Variants in ATRN observed in about 807,000 individuals in gnomAD.
ATRN encodes the protein attractin, also known as attractin-2.
In ATRN, 54 loss-of-function variants were observed where a neutral mutation model predicts 178.7. The observed-to-expected ratio is 0.30, with a 90% CI of 0.24 to 0.38. ATRN has a LOEUF of 0.38. Ranked by LOEUF, ATRN falls within the 10% of genes least tolerant of loss-of-function variation. The pLI, the probability that ATRN is intolerant of heterozygous loss-of-function variation, is 1.00. For synonymous variants in ATRN, 636 were observed against 663.0 expected, an observed-to-expected ratio of 0.96 and a Z score of 0.63; for missense variants, 1,443 against 1,815.1, an observed-to-expected ratio of 0.79 and a Z score of 3.73.
chr20:3,540,792 G>A (rs2085607784), intron 3 of ATRN, among the ~76,000 whole-genome samples: 1 of 152,134 alleles, frequency 6.6e-6, no homozygotes, highest in Non-Finnish European at 1.5e-5. Flanking sequence ...GTGTGTGTAT[G>A]TGCATCATGA....
chr20:3,489,766 A>C, intron 1 of ATRN: 1 of 1,422,418 alleles, frequency 7.0e-7, no homozygotes. Flanking sequence ...GCAAAGTGTC[A>C]CTGGAAGGCT....
intron 6 of ATRN, among the ~76,000 whole-genome samples, chr20:3,558,493 A>G (rs559201696): frequency 1.0e-3 from 154 of 152,148 alleles, no homozygotes; most frequent in Non-Finnish European, 1.5e-3. Flanking sequence ...GTAAACTTTT[A>G]TAGAAAAGAA....
chr20:3,511,159 G>C (rs1568697057), intron 1 of ATRN, among the ~76,000 whole-genome samples: 1 of 152,050 alleles, frequency 6.6e-6, no homozygotes, highest in Non-Finnish European at 1.5e-5. Flanking sequence ...AAAAAAGAAA[G>C]GTGAATATCT....
intron 11 of ATRN, 68 bp downstream of exon 11, chr20:3,565,500 G>T (rs1403485070): frequency 7.4e-7 from 1 of 1,359,512 alleles, no homozygotes; most frequent in African/African-American, 1.4e-5. Context: ...GGGCACGGTG[G>T]CTCACGCCTG....
chr20:3,589,807 A>C (rs2086414003), intron 18 of ATRN, among the ~76,000 whole-genome samples: 1 of 152,160 alleles, frequency 6.6e-6, no homozygotes, highest in Non-Finnish European at 1.5e-5. Flanking sequence ...CCCTCATTGG[A>C]AGAAGGAAGG....
chr20:3,543,727 G>GAA (rs138671464), intron 3 of ATRN, among the ~76,000 whole-genome samples: 1 of 134,808 alleles, frequency 7.4e-6, no homozygotes, highest in Non-Finnish European at 1.6e-5. Flanking sequence ...TCGGTCTCAA[G>GAA]AAAAAAAAAA....
chr20:3,491,202 G>T (rs1413027741), intron 1 of ATRN, among the ~76,000 whole-genome samples: 3 of 151,936 alleles, frequency 2.0e-5, no homozygotes, highest in East Asian at 1.9e-4. Flanking sequence ...TCCAAATGTG[G>T]CCTCATTTCT....
chr20:3,578,498 G>A (rs371833830), intron 14 of ATRN, 84 bp from the exon 15 acceptor site: 13 of 1,226,668 alleles, frequency 1.1e-5, no homozygotes, highest in African/African-American at 6.1e-5. Context: ...AGGCCATTTC[G>A]GTATTCAGTA....
At chr20:3,512,107 A>ATATATATATTTTT in intron 1 of ATRN, among the ~76,000 whole-genome samples, 8 of 106,398 alleles carry the variant, frequency 7.5e-5, no homozygotes, top group African/African-American at 3.6e-4. Flanking sequence ...ATATATATAT[A>ATATATATATTTTT]TTTTTTTTTT....
chr20:3,559,969 T>G (rs2085928456), intron 7 of ATRN, among the ~76,000 whole-genome samples: 1 of 152,144 alleles, frequency 6.6e-6, no homozygotes, highest in Non-Finnish European at 1.5e-5. Context: ...CTTTTCCCTT[T>G]TTTTATCCTT....
chr20:3,583,823 A>G lies in ATRN; in HGVS notation c.2765-75A>G, dbSNP rs949888566. The G allele has an allele frequency of 1.5e-5, 22 of 1,428,994 alleles. No individual in the cohort carries two copies. In the Middle Eastern group the frequency reaches 9.1e-4, roughly 59 times the overall value. 88.5% of individuals were successfully genotyped at this position (1,428,994 alleles called of 1,614,324 possible). A position where few individuals can be genotyped will look rare whatever the true frequency, so the allele number is the denominator to read the frequency against. On this transcript the variant is annotated intron_variant, in intron 16 of 28. Coordinates refer to ENST00000262919, the MANE Select transcript of ATRN (RefSeq NM_139321.3). ...CTCCGTCTCAAAAAAAAAAAAGAAA[A>G]GAAAGAAAGAAAAGTCTTTGACCTT...
At chr20:3,498,632 G>A (rs1419731861) in intron 1 of ATRN, among the ~76,000 whole-genome samples, 3 of 152,102 alleles carry the variant, frequency 2.0e-5, no homozygotes, top group South Asian at 2.1e-4. Flanking sequence ...AAATTCAACA[G>A]CTCTTCATGC....
At chr20:3,601,867 TAAAAAAAAAAA>T (rs77232797) in intron 23 of ATRN, among the ~76,000 whole-genome samples, 1 of 117,670 alleles carries the variant, frequency 8.5e-6, no homozygotes, top group African/African-American at 3.2e-5. Flanking sequence ...CCCATCTCTT[TAAAAAAAAAAA>T]AAAAAAAAGA....
intron 24 of ATRN, among the ~76,000 whole-genome samples, chr20:3,608,979 G>GAAAA (rs71195846): frequency 7.0e-5 from 10 of 142,104 alleles, no homozygotes; most frequent in Non-Finnish European, 1.2e-4. Context: ...AAAAAAAAAA[G>GAAAA]AAAAAAAAAA....
At chr20:3,641,189 AATG>A (rs921213580) in intron 27 of ATRN, among the ~76,000 whole-genome samples, 4 of 152,222 alleles carry the variant, frequency 2.6e-5, no homozygotes, top group African/African-American at 7.2e-5. Context: ...GATGGATAGT[AATG>A]ATGGTTGCAC....
chr20:3,619,474 C>A (rs1454678738), intron 24 of ATRN, among the ~76,000 whole-genome samples: 1 of 152,234 alleles, frequency 6.6e-6, no homozygotes, highest in African/African-American at 2.4e-5. Flanking sequence ...CTTTTCAAAT[C>A]TGCTGTATTA....
rs746373078 is a variant in ATRN, at chr20:3,584,849, C to G, written c.3153C>G (p.Ser1051Arg). Residue 1051 changes from serine (S) to arginine (R), a missense_variant, in exon 18 of 29, where the codon AGC becomes AGG. Transcript: ENST00000262919. ...LLNSSMCLED[S>R]RYNWSFIHCP... ...ATTCCAGCATGTGTCTAGAGGACAG[C>G]AGATACAACTGGTCTTTCATTCACT... 1 of 1,614,166 alleles carries G rather than the reference C, an allele frequency of 6.2e-7. No homozygotes were observed. Among genetic ancestry groups the G allele is most frequent in the South Asian group, 1.1e-5 (1 of 91,078 alleles).
At chr20:3,541,771 A>G (rs369289480) in intron 3 of ATRN, among the ~76,000 whole-genome samples, 7 of 152,288 alleles carry the variant, frequency 4.6e-5, no homozygotes, top group African/African-American at 1.7e-4. Flanking sequence ...CCCTTAGGAA[A>G]CCATAGTTTT....
chr20:3,490,009 G>A (rs1600018688), intron 1 of ATRN: 1 of 992,504 alleles, frequency 1.0e-6, no homozygotes, highest in African/African-American at 1.6e-5. Context: ...TGAGTGAGAT[G>A]TTGCTGTTCC....
Sources: allele counts gnomAD v4.1 joint callset (sites outside exome capture counted in the v4.1 genomes callset), GRCh38; gene constraint gnomAD v4.1.1; transcripts MANE v1.5; gene names NCBI Gene and HGNC (gene_info 2026-07-23, HGNC 2026-07-21).